Variants in TARS3 observed in about 807,000 individuals in gnomAD.
The protein encoded by TARS3 is threonine--tRNA ligase 2, cytoplasmic.
In TARS3, 94 loss-of-function variants were observed where a neutral mutation model predicts 103.5. The observed-to-expected ratio is 0.91, with a 90% CI of 0.77 to 1.08. TARS3 has a LOEUF of 1.08. Ranked by LOEUF, TARS3 falls within the 50% of genes least tolerant of loss-of-function variation. The pLI, the probability that TARS3 is intolerant of heterozygous loss-of-function variation, is 0.00. For missense variants in TARS3, 952 were observed against 995.2 expected (o/e 0.96, Z 0.58); for synonymous variants, 416 against 355.4 (o/e 1.17, Z -1.92).
chr15:101,676,989 G>A (rs28796286), intron 12 of TARS3, among the ~76,000 whole-genome samples: 21,196 of 151,996 alleles, frequency 0.14, 1,992 homozygotes, highest in African/African-American at 0.26. Context: ...GCCCCAGTGT[G>A]TGTTGTTCCC....
Position 101,705,730 on chromosome 15 carries a change from G to A in TARS3, c.948C>T (p.Cys316=). 1.2e-6 allele frequency: 2 copies of A among 1,609,662 alleles called. No individual in the cohort carries two copies. The highest frequency in any genetic ancestry group is 1.7e-6 in the Non-Finnish European group (2 of 1,177,230). Residue 316 remains cysteine (C), a synonymous_variant, in exon 7 of 19, where the codon TGC becomes TGT. Transcript: ENST00000335968. The part of the protein sequence containing the change: ...LEMFKYNKFK[C]RILNEKVNTA... The stretch of plus-strand genomic sequence containing the variant: ...TGTTAACTTTCTCATTCAGAATGCG[G>A]CATTTAAATTTATTGTACTACGAAG...
chr15:101,657,076 A>C, intron 17 of TARS3, 40 bp from the exon 18 acceptor site: 2 of 1,355,836 alleles, frequency 1.5e-6, no homozygotes, highest in Non-Finnish European at 2.1e-6. Flanking sequence ...ACATTATGGT[A>C]CCTAGCCTCC....
At chr15:101,695,529 A>G (rs951221055) in intron 10 of TARS3, among the ~76,000 whole-genome samples, 4 of 152,166 alleles carry the variant, frequency 2.6e-5, no homozygotes, top group Non-Finnish European at 5.9e-5. Context: ...GTTCTGTGCT[A>G]TTATAAGTAA....
At chr15:101,708,257 GAAAAAAAAAAA>G (rs60601502) in intron 6 of TARS3, among the ~76,000 whole-genome samples, 14 of 48,604 alleles carry the variant, frequency 2.9e-4, no homozygotes, top group Non-Finnish European at 4.0e-4. Flanking sequence ...GACTCTGTCT[GAAAAAAAAAAA>G]AAAAAAAAAA....
At chr15:101,698,747 G>A (rs775856769) in intron 10 of TARS3, among the ~76,000 whole-genome samples, 6 of 152,200 alleles carry the variant, frequency 3.9e-5, no homozygotes, top group African/African-American at 7.2e-5. Context: ...AACTGCACCC[G>A]AGGAGCCTCA....
intron 15 of TARS3, among the ~76,000 whole-genome samples, chr15:101,671,107 A>G (rs1314184859): frequency 6.6e-6 from 1 of 152,136 alleles, no homozygotes; most frequent in Non-Finnish European, 1.5e-5. Flanking sequence ...TTTTTAAAGA[A>G]GTTGTTGGTT....
In TARS3 at chr15:101,724,101, G is replaced by C. The variant is rs1143138; in HGVS notation, c.287C>G (p.Ala96Gly). 404,355 of 1,363,024 alleles carry C rather than the reference G, an allele frequency of 0.3. 68,648 individuals carry two copies. The highest frequency in any genetic ancestry group is 0.84 in the East Asian group (27,597 of 32,826). The allele number at this position is 1,363,024 out of a possible 1,614,324, so 84.4% of individuals were successfully genotyped here. Reference protein sequence around the residue: ...ESAELEAAQEAGAQPPPSQSQ... With the variant: ...ESAELEAAQEGGAQPPPSQSQ... Reference sequence around the variant, plus strand: ...CCACCGCCCGGTTACCTGTGCGCCGGCCTCCTGCGCCGCCTCTAGCTCCGC... The same window carrying C: ...CCACCGCCCGGTTACCTGTGCGCCGCCCTCCTGCGCCGCCTCTAGCTCCGC... The change falls in exon 1 of 19, where the codon GCC (alanine) becomes GGC (glycine). Residue 96 changes from alanine (A) to glycine (G), a missense_variant. Physicochemically the swap from Ala to Gly is moderately conservative, Grantham distance 60 (BLOSUM62 0). Coordinates refer to ENST00000335968, the MANE Select transcript of TARS3 (RefSeq NM_152334.3).
At chr15:101,666,620 T>A (rs551958034) in intron 15 of TARS3, among the ~76,000 whole-genome samples, 1 of 152,198 alleles carries the variant, frequency 6.6e-6, no homozygotes, top group East Asian at 1.9e-4. Context: ...CCCAGAATTG[T>A]ACAAGCAAAG....
At chr15:101,709,049 T>C (rs1596322953) in intron 5 of TARS3, 139 bp from the exon 6 acceptor site, 7 of 598,462 alleles carry the variant, frequency 1.2e-5, no homozygotes, top group Admixed American at 6.1e-5. Flanking sequence ...CAAACGTTCA[T>C]ACAGTCACTA....
At chr15:101,678,542 T>A (rs1451324674) in intron 12 of TARS3, among the ~76,000 whole-genome samples, 2 of 152,028 alleles carry the variant, frequency 1.3e-5, no homozygotes, top group Admixed American at 6.5e-5. Flanking sequence ...ATTATATAAC[T>A]TATCAGTCCA....
chr15:101,671,514 G>A lies in TARS3; in HGVS notation c.1939C>T (p.Pro647Ser). The A allele has an allele frequency of 6.2e-7, 1 of 1,609,432 alleles. No individual in the cohort carries two copies. Among genetic ancestry groups the A allele is most frequent in the Non-Finnish European group, 8.5e-7 (1 of 1,176,036 alleles). ...CATIQLDFQLPIRFNLTYVSK... is the reference protein window; with the variant it reads ...CATIQLDFQLSIRFNLTYVSK... ...ACATATGTGAGATTAAATCTAATAG[G>A]CAGTTGGAAGTCCAGCTGAATTGTA... Residue 647 changes from proline (P) to serine (S), a missense_variant, in exon 15 of 19, where the codon CCT (proline) becomes TCT (serine). Pro to Ser is a moderately conservative substitution (Grantham distance 74). Transcript: ENST00000335968.
chr15:101,656,907 A>T lies in TARS3; in HGVS notation c.2260+15T>A. ...AAAAAAAGCATTTGGAAAAATATAT[A>T]CAAACTTAAATTACCCAAAATAAAA... On this transcript the variant is annotated intron_variant, in intron 18 of 18. Coordinates refer to ENST00000335968, the MANE Select transcript of TARS3 (RefSeq NM_152334.3). 1 of 1,541,382 alleles carries T rather than the reference A, an allele frequency of 6.5e-7. No individual in the cohort carries two copies.
At chr15:101,712,457 C>T (rs972200449) in intron 4 of TARS3, among the ~76,000 whole-genome samples, 14 of 152,176 alleles carry the variant, frequency 9.2e-5, no homozygotes, top group African/African-American at 3.4e-4. Context: ...CCTGACACCA[C>T]TACAGTTAAC....
intron 13 of TARS3, 61 bp from the exon 14 acceptor site, chr15:101,671,809 C>G (rs1459414422): frequency 1.5e-6 from 2 of 1,364,074 alleles, no homozygotes; most frequent in Admixed American, 2.0e-5. Flanking sequence ...TTACATACAG[C>G]TCACAAAAGT....
chr15:101,669,085 C>G (rs1230461423), intron 15 of TARS3, among the ~76,000 whole-genome samples: 1 of 152,112 alleles, frequency 6.6e-6, no homozygotes, highest in Non-Finnish European at 1.5e-5. Context: ...CAGCTCCATG[C>G]GTGTACTGCC....
intron 3 of TARS3, among the ~76,000 whole-genome samples, chr15:101,715,548 C>A (rs995763592): frequency 2.6e-5 from 4 of 152,186 alleles, no homozygotes; most frequent in Non-Finnish European, 4.4e-5. Context: ...CATTTTGGTA[C>A]ATTTCTATCC....
At chr15:101,710,094 A>G (rs924478551) in intron 5 of TARS3, among the ~76,000 whole-genome samples, 3 of 152,220 alleles carry the variant, frequency 2.0e-5, no homozygotes, top group Non-Finnish European at 4.4e-5. Flanking sequence ...CCAAAGGTCA[A>G]TGATTTAATC....
In TARS3 at chr15:101,707,963, G is replaced by C. The variant is rs115876240; in HGVS notation, c.930+830C>G. On this transcript the variant is annotated intron_variant, in intron 6 of 18. Transcript: ENST00000335968. ...TGTGTTTTCAAAGTACATGTTTTTG[G>C]TTGGGCGTGGTGGCTCACGCCTGTA... is the stretch of plus-strand genomic sequence containing the variant. Among the ~76,000 whole-genome samples, 1,512 of 152,174 alleles carry C rather than the reference G, an allele frequency of 9.9e-3. 26 individuals carry two copies. Among genetic ancestry groups the C allele is most frequent in the African/African-American group, 0.035 (1,454 of 41,522 alleles).
Position 101,705,739 on chromosome 15 carries a change from T to C in TARS3, c.939A>G (p.Lys313=), listed in dbSNP as rs1333030868. 1 of 1,607,034 alleles carries C rather than the reference T, an allele frequency of 6.2e-7. No homozygotes were observed. Among genetic ancestry groups the C allele is most frequent in the Non-Finnish European group, 8.5e-7 (1 of 1,175,348 alleles). The change falls in exon 7 of 19, where the codon AAA becomes AAG. Residue 313 remains lysine (K), a synonymous_variant. Transcript: ENST00000335968. ...EILLEMFKYN[K]FKCRILNEKV... The stretch of plus-strand genomic sequence containing the variant: ...TCTCATTCAGAATGCGGCATTTAAA[T>C]TTATTGTACTACGAAGAAAAACATA...
Sources: allele counts gnomAD v4.1 joint callset (sites outside exome capture counted in the v4.1 genomes callset), GRCh38; gene constraint gnomAD v4.1.1; transcripts MANE v1.5; gene names NCBI Gene and HGNC (gene_info 2026-07-23, HGNC 2026-07-21).